The following LDHC variants were observed in gnomAD, a reference collection of about 807,000 sequenced individuals.
LDHC encodes lactate dehydrogenase C, also known as L-lactate dehydrogenase C chain.
In LDHC, 20 loss-of-function variants were observed where a neutral mutation model predicts 30.2. The ratio of observed to expected loss-of-function variants is 0.66; its 90% CI spans 0.47 to 0.96. The LOEUF (loss-of-function observed/expected upper bound fraction) is 0.96. LDHC is among the 40% of genes least tolerant of loss of function. The pLI is 0.00. For synonymous variants in LDHC, 139 were observed against 132.7 expected, an observed-to-expected ratio of 1.05 and a Z score of -0.32; for missense variants, 362 against 394.9, an observed-to-expected ratio of 0.92 and a Z score of 0.71.
chr11:18,448,090 G>C (rs897977045), intron 7 of LDHC, among the ~76,000 whole-genome samples: 1 of 143,074 alleles, frequency 7.0e-6, no homozygotes, highest in African/African-American at 2.6e-5. Context: ...AGGCAATAAA[G>C]AGTACACAAT....
chr11:18,433,610 G>A (rs1484612256), intron 4 of LDHC, among the ~76,000 whole-genome samples: 1 of 152,274 alleles, frequency 6.6e-6, no homozygotes, highest in Non-Finnish European at 1.5e-5. Context: ...TGTTTGAGGA[G>A]GCTGAAGATA....
intron 6 of LDHC, among the ~76,000 whole-genome samples, chr11:18,439,619 G>A (rs1848421294): frequency 1.3e-5 from 2 of 149,090 alleles, no homozygotes; most frequent in Non-Finnish European, 3.0e-5. Context: ...TTCACAGCTT[G>A]GAATATTGAA....
At position 18,429,882 on chromosome 11, in the gene LDHC, T is replaced by G. The variant is rs1848233981; in HGVS notation, c.390T>G (p.Asp130Glu). The G allele has an allele frequency of 6.2e-7, 1 of 1,609,776 alleles. No homozygotes were observed. Among genetic ancestry groups the G allele is most frequent in the African/African-American group, 1.3e-5 (1 of 74,970 alleles). ...CTGCCATAGTCCATTATAGTCCTGA[T>G]TGTAAAATTCTTGTTGTTTCAAATC... Reference protein sequence around the residue: ...IIPAIVHYSPDCKILVVSNPV... With the variant: ...IIPAIVHYSPECKILVVSNPV... Residue 130 changes from aspartate (D) to glutamate (E), a missense_variant, in exon 4 of 8, where the codon GAT (aspartate) becomes GAG (glutamate). Physicochemically the swap from Asp to Glu is conservative, Grantham distance 45. Transcript: ENST00000541669.
intron 3 of LDHC, among the ~76,000 whole-genome samples, chr11:18,425,593 T>C (rs957283360): frequency 6.6e-6 from 1 of 152,154 alleles, no homozygotes; most frequent in African/African-American, 2.4e-5. Flanking sequence ...AAATTGAGTG[T>C]ATATTTCTTA....
chr11:18,434,929 T>A lies in LDHC; in HGVS notation c.592+16T>A, dbSNP rs1848331705. 6.4e-7 allele frequency: 1 copy of A among 1,566,848 alleles called. No individual in the cohort carries two copies. Among genetic ancestry groups the A allele is most frequent in the Non-Finnish European group, 8.8e-7 (1 of 1,141,520 alleles). On this transcript the variant is annotated intron_variant, in intron 5 of 7. Coordinates refer to ENST00000541669, the MANE Select transcript of LDHC (RefSeq NM_017448.5). ...GATTCTAGTGGTAAGTATAAATCTA[T>A]TATTATTACGTGACTACCCTTCTTA...
At chr11:18,415,131 T>G in intron 2 of LDHC, 53 bp from the exon 3 acceptor site, 1 of 926,880 alleles carries the variant, frequency 1.1e-6, no homozygotes, top group Non-Finnish European at 1.7e-6. Flanking sequence ...ATTCTTCTTA[T>G]TCTCCTAAAA....
intron 3 of LDHC, among the ~76,000 whole-genome samples, chr11:18,418,886 G>C (rs912062134): frequency 1.3e-5 from 2 of 152,160 alleles, no homozygotes; most frequent in African/African-American, 4.8e-5. Flanking sequence ...TAACAAAAAA[G>C]TAAGGCATTT....
intron 4 of LDHC, among the ~76,000 whole-genome samples, chr11:18,431,630 C>T (rs1848266368): frequency 2.0e-5 from 3 of 152,096 alleles, no homozygotes; most frequent in African/African-American, 7.2e-5. Context: ...ACCACAATCT[C>T]CTTGTCGCAG....
chr11:18,413,107 AG>A (rs2134042139), intron 2 of LDHC, among the ~76,000 whole-genome samples: 1 of 142,958 alleles, frequency 7.0e-6, no homozygotes, highest in East Asian at 2.0e-4. Context: ...TTTTTGAGAC[AG>A]GATTTGTCTG....
At chr11:18,437,838 G>A (rs1187390192) in intron 5 of LDHC, among the ~76,000 whole-genome samples, 2 of 151,986 alleles carry the variant, frequency 1.3e-5, no homozygotes, top group Admixed American at 1.3e-4. Context: ...GCCAACGCGT[G>A]TGGATCACTT....
chr11:18,428,011 A>G (rs1848192499), intron 3 of LDHC, among the ~76,000 whole-genome samples: 1 of 151,890 alleles, frequency 6.6e-6, no homozygotes, highest in Non-Finnish European at 1.5e-5. Flanking sequence ...TTGCCTTTCT[A>G]GTTAAAATCT....
chr11:18,412,905 T>C, intron 2 of LDHC, 62 bp downstream of exon 2: 1 of 1,535,826 alleles, frequency 6.5e-7, no homozygotes, highest in Non-Finnish European at 8.9e-7. Flanking sequence ...GTTGTATATG[T>C]CGATGTATTC....
In LDHC at chr11:18,430,034, C is replaced by T. The variant is rs779162013; in HGVS notation, c.418+124C>T. 16 of 556,270 alleles carry T rather than the reference C, an allele frequency of 2.9e-5. 1 individual carries two copies. The South Asian group carries it at 4.2e-4, about 15-fold the overall frequency. 34.5% of individuals were successfully genotyped at this position (556,270 alleles called of 1,614,324 possible). A position where few individuals can be genotyped will look rare whatever the true frequency, so the allele number is the denominator to read the frequency against. On this transcript the variant is annotated intron_variant, in intron 4 of 7. Coordinates refer to ENST00000541669, the MANE Select transcript of LDHC (RefSeq NM_017448.5). ...AATTGCACTCGTTTAAAGTATATAA[C>T]GCGATGAGTTTTGATAAATGTAATC... is the stretch of plus-strand genomic sequence containing the variant.
chr11:18,449,599 T>G (rs770779656), intron 7 of LDHC, among the ~76,000 whole-genome samples: 22 of 152,104 alleles, frequency 1.4e-4, no homozygotes, highest in Non-Finnish European at 3.2e-4. Flanking sequence ...TGTAAGTAGT[T>G]CTTGGCGGGG....
At chr11:18,435,428 G>A (rs1027008980) in intron 5 of LDHC, among the ~76,000 whole-genome samples, 3 of 151,742 alleles carry the variant, frequency 2.0e-5, no homozygotes, top group Admixed American at 6.6e-5. Context: ...GACCCCCGCT[G>A]TAGCCATATA....
Position 18,412,419 on chromosome 11 carries a change from G to A in LDHC, c.-10+11G>A, listed in dbSNP as rs1430270921. The A allele has an allele frequency of 4.2e-6, 1 of 240,510 alleles. No individual in the cohort carries two copies. Among genetic ancestry groups the A allele is most frequent in the Non-Finnish European group, 8.2e-6 (1 of 122,302 alleles). The allele number at this position is 240,510 out of a possible 1,614,324, so 14.9% of individuals were successfully genotyped here. ...TGCCTTCCTTCAAAGGTGGTGCTTT[G>A]TCCCTGTGGGTCATCTGTACTGATT... On this transcript the variant is annotated intron_variant, in intron 1 of 7. Transcript: ENST00000541669.
intron 3 of LDHC, among the ~76,000 whole-genome samples, chr11:18,417,651 A>G (rs982897811): frequency 3.3e-5 from 5 of 152,164 alleles, no homozygotes; most frequent in Non-Finnish European, 7.3e-5. Flanking sequence ...TGCAGGTGTG[A>G]GCCACCACGC....
In LDHC at chr11:18,429,155, C is replaced by T. The variant is rs936315097; in HGVS notation, c.245-582C>T. ...TTTTTTTTTTGAGACAGAGTCTTGCCAGGCTGGAGTGCAGTGGCGCGATCT... is the reference window on the plus strand; with the variant it reads ...TTTTTTTTTTGAGACAGAGTCTTGCTAGGCTGGAGTGCAGTGGCGCGATCT... On this transcript the variant is annotated intron_variant, in intron 3 of 7. Coordinates refer to ENST00000541669, the MANE Select transcript of LDHC (RefSeq NM_017448.5). 3.9e-5 allele frequency among the ~76,000 whole-genome samples: 5 copies of T among 128,876 alleles called. No homozygotes were observed. The Admixed American group carries it at 4.7e-4, about 12-fold the overall frequency. 84.5% of individuals were successfully genotyped at this position (128,876 alleles called of 152,430 possible).
chr11:18,426,443 C>T (rs1848163309), intron 3 of LDHC, among the ~76,000 whole-genome samples: 1 of 147,724 alleles, frequency 6.8e-6, no homozygotes, highest in Non-Finnish European at 1.5e-5. Flanking sequence ...AGGAGAATCA[C>T]TTGAACCAGG....
Sources: allele counts gnomAD v4.1 joint callset (sites outside exome capture counted in the v4.1 genomes callset), GRCh38; gene constraint gnomAD v4.1.1; transcripts MANE v1.5; gene names NCBI Gene and HGNC (gene_info 2026-07-23, HGNC 2026-07-21).